Variants in PAPOLG observed in about 807,000 individuals in gnomAD.
The protein encoded by PAPOLG is poly(A) polymerase gamma.
A neutral mutation model predicts 99.0 loss-of-function variants in PAPOLG; 40 were observed. That is an observed-to-expected ratio of 0.40 (90% CI 0.31 to 0.53). PAPOLG has a LOEUF of 0.53. Ranked by LOEUF, PAPOLG falls within the 20% of genes least tolerant of loss-of-function variation. The pLI is 0.41. For missense variants in PAPOLG, 675 were observed against 884.1 expected (o/e 0.76, Z 3.00); for synonymous variants, 310 against 299.3 (o/e 1.04, Z -0.37).
In PAPOLG at chr2:60,762,947, A is replaced by AT. The variant is rs200581370; in HGVS notation, c.246+1144dup. ...CAGCCTAAATTTTATTCATTATTTT[A>AT]TTTTATTTTTTTTTGGAGACAGAGT... On this transcript the variant is annotated intron_variant, in intron 3 of 21. Transcript: ENST00000238714. 2.9e-3 allele frequency among the ~76,000 whole-genome samples: 434 copies of AT among 147,204 alleles called. 1 individual carries two copies. The highest frequency in any genetic ancestry group is 3.9e-3 in the African/African-American group (155 of 39,948).
intron 3 of PAPOLG, among the ~76,000 whole-genome samples, chr2:60,766,521 C>T (rs13398041): frequency 6.6e-6 from 1 of 151,658 alleles, no homozygotes; most frequent in African/African-American, 2.4e-5. Context: ...TAAAAATTAC[C>T]CAGGCACAGT....
chr2:60,773,899 C>A (rs958458918), intron 7 of PAPOLG, among the ~76,000 whole-genome samples: 1 of 152,066 alleles, frequency 6.6e-6, no homozygotes, highest in Admixed American at 6.5e-5. Context: ...AAGGAAATAC[C>A]TAACTGAATA....
intron 2 of PAPOLG, among the ~76,000 whole-genome samples, chr2:60,760,739 C>T (rs1209766248): frequency 6.6e-6 from 1 of 152,100 alleles, no homozygotes; most frequent in Admixed American, 6.5e-5. Flanking sequence ...TTAATGAAAG[C>T]AAGGTGGGAA....
intron 8 of PAPOLG, 95 bp from the exon 9 acceptor site, chr2:60,779,542 C>T (rs1006972024): frequency 9.0e-6 from 12 of 1,330,176 alleles, no homozygotes; most frequent in Admixed American, 2.4e-5. Context: ...TGTTGAATGT[C>T]ACGGATATTC....
At chr2:60,769,414 T>C (rs1670781427) in intron 5 of PAPOLG, among the ~76,000 whole-genome samples, 1 of 152,156 alleles carries the variant, frequency 6.6e-6, no homozygotes, top group African/African-American at 2.4e-5. Context: ...ACATTGTTTA[T>C]TGAGGAGGGG....
intron 5 of PAPOLG, among the ~76,000 whole-genome samples, chr2:60,769,933 C>T (rs1037180292): frequency 2.6e-5 from 4 of 151,200 alleles, no homozygotes; most frequent in Admixed American, 1.3e-4. Flanking sequence ...CCCCACCCCC[C>T]GACAGGCCCC....
Position 60,768,844 on chromosome 2 carries a change from C to T in PAPOLG, c.392C>T (p.Ser131Phe). The T allele has an allele frequency of 6.2e-7, 1 of 1,601,832 alleles. No individual in the cohort carries two copies. Among genetic ancestry groups the T allele is most frequent in the Non-Finnish European group, 8.5e-7 (1 of 1,173,304 alleles). Residue 131 changes from serine (S) to phenylalanine (F), a missense_variant, in exon 5 of 22, where the codon TCT becomes TTT. By Grantham distance (155) the Ser-to-Phe change is radical. Transcript: ENST00000238714. ...GTGGAAAGATCTGATTTTTTTCAGTCTTTTTTTGAAAAATTGAAACATCAA... is the reference window on the plus strand; with the variant it reads ...GTGGAAAGATCTGATTTTTTTCAGTTTTTTTTTGAAAAATTGAAACATCAA... ...RHVERSDFFQ[S>F]FFEKLKHQDG...
At chr2:60,774,945 T>C in intron 7 of PAPOLG, 89 bp from the exon 8 acceptor site, 4 of 1,552,924 alleles carry the variant, frequency 2.6e-6, no homozygotes, top group Non-Finnish European at 3.5e-6. Flanking sequence ...TTCATATTTT[T>C]AGCATTCGAG....
chr2:60,779,129 G>A (rs1671117792), intron 8 of PAPOLG, among the ~76,000 whole-genome samples: 1 of 152,048 alleles, frequency 6.6e-6, no homozygotes, highest in Non-Finnish European at 1.5e-5. Context: ...GATATCAGTG[G>A]TGTATTCTAC....
chr2:60,768,950 A>G (rs537557348), intron 5 of PAPOLG, 60 bp downstream of exon 5: 3 of 1,278,276 alleles, frequency 2.3e-6, no homozygotes, highest in South Asian at 1.5e-5. Context: ...ATCTATAAAA[A>G]CTAGGGCTTA....
intron 21 of PAPOLG, among the ~76,000 whole-genome samples, chr2:60,795,836 A>G (rs1671678235): frequency 6.6e-6 from 1 of 152,166 alleles, no homozygotes; most frequent in Non-Finnish European, 1.5e-5. Flanking sequence ...CCTTTAACAT[A>G]AGATTAAGTT....
chr2:60,771,184 C>T (rs539108408), intron 6 of PAPOLG, among the ~76,000 whole-genome samples: 5 of 152,132 alleles, frequency 3.3e-5, no homozygotes, highest in East Asian at 1.9e-4. Flanking sequence ...ATTGAATTTT[C>T]GTGGTATTTT....
At chr2:60,758,059 A>G (rs1288020706) in intron 1 of PAPOLG, among the ~76,000 whole-genome samples, 1 of 152,222 alleles carries the variant, frequency 6.6e-6, no homozygotes, top group African/African-American at 2.4e-5. Flanking sequence ...ACTTATCTGT[A>G]AAATGGCACT....
chr2:60,764,547 T>A (rs1196002527), intron 3 of PAPOLG, among the ~76,000 whole-genome samples: 2 of 151,648 alleles, frequency 1.3e-5, no homozygotes, highest in Non-Finnish European at 2.9e-5. Flanking sequence ...CACCTCAGCC[T>A]CCCTAGTAGC....
At chr2:60,795,368 C>T (rs1186977819) in intron 21 of PAPOLG, 1 of 450,024 alleles carries the variant, frequency 2.2e-6, no homozygotes, top group East Asian at 6.5e-5. Context: ...TTGCTTACTG[C>T]CAAAACATAG....
chr2:60,779,204 A>T (rs1337091343), intron 8 of PAPOLG, among the ~76,000 whole-genome samples: 1 of 152,218 alleles, frequency 6.6e-6, no homozygotes, highest in African/African-American at 2.4e-5. Flanking sequence ...TACTTGATTT[A>T]AAAATACCCA....
At chr2:60,783,130 C>T (rs748572751) in intron 12 of PAPOLG, 26 bp from the exon 13 acceptor site, 4 of 1,541,888 alleles carry the variant, frequency 2.6e-6, no homozygotes, top group Non-Finnish European at 2.6e-6. Context: ...GGCTTTTTTT[C>T]CTGATTGTTG....
intron 13 of PAPOLG, 23 bp downstream of exon 13, chr2:60,783,232 T>A (rs367827175): frequency 2.5e-5 from 36 of 1,469,166 alleles, no homozygotes; most frequent in Non-Finnish European, 3.2e-5. Flanking sequence ...TTTCAAGTTT[T>A]CTACCTACTG....
Position 60,756,337 on chromosome 2 carries a change from T to C in PAPOLG, c.-142T>C. 2 of 1,001,188 alleles carry C rather than the reference T, an allele frequency of 2.0e-6. No homozygotes were observed. The highest frequency in any genetic ancestry group is 1.3e-5 in the South Asian group (1 of 75,476). 62.0% of individuals were successfully genotyped at this position (1,001,188 alleles called of 1,614,324 possible). A position where few individuals can be genotyped will look rare whatever the true frequency, so the allele number is the denominator to read the frequency against. ...GTGGTGTTTTCACTACTCGGTTGGA[T>C]GCCTCAGCCATAGTAAGTGGGAAAG... On this transcript the variant is annotated 5_prime_UTR_variant, in exon 1 of 22. The change abolishes an upstream ATG in the 5' untranslated region. Coordinates refer to ENST00000238714, the MANE Select transcript of PAPOLG (RefSeq NM_022894.4).
Sources: allele counts gnomAD v4.1 joint callset (sites outside exome capture counted in the v4.1 genomes callset), GRCh38; gene constraint gnomAD v4.1.1; transcripts MANE v1.5; gene names NCBI Gene and HGNC (gene_info 2026-07-23, HGNC 2026-07-21).